The following SLC41A3 variants were observed in gnomAD, a reference collection of about 807,000 sequenced individuals.
SLC41A3 encodes the protein SLC41A1-like 2.
In SLC41A3, 44 loss-of-function variants were observed where a neutral mutation model predicts 45.4. The ratio of observed to expected loss-of-function variants is 0.97; its 90% confidence interval spans 0.76 to 1.25. The LOEUF (loss-of-function observed/expected upper bound fraction) is 1.25, where lower values mean the gene tolerates loss of function less well. Among genes scored for constraint, SLC41A3 ranks in the 50% most tolerant of loss-of-function variants. SLC41A3 has a pLI of 0.00. For missense variants in SLC41A3, 550 were observed against 600.6 expected (o/e 0.92, Z 0.88); for synonymous variants, 256 against 252.4 (o/e 1.01, Z -0.13).
chr3:126,045,407 A>G (rs1942899886), intron 3 of SLC41A3, among the ~76,000 whole-genome samples: 1 of 152,008 alleles, frequency 6.6e-6, no homozygotes, highest in South Asian at 2.1e-4. Context: ...ACTAAGAAAA[A>G]AAAGAAGTCT....
At chr3:126,099,727 G>A (rs746759079) in intron 1 of SLC41A3, among the ~76,000 whole-genome samples, 2 of 152,180 alleles carry the variant, frequency 1.3e-5, no homozygotes, top group African/African-American at 4.8e-5. Context: ...AAGATATTCA[G>A]GTAGTTAAGG....
At chr3:126,017,099 G>C (rs1189570980) in intron 6 of SLC41A3, among the ~76,000 whole-genome samples, 1 of 152,136 alleles carries the variant, frequency 6.6e-6, no homozygotes, top group African/African-American at 2.4e-5. Flanking sequence ...CCACTTCTCT[G>C]GCAAACTTGC....
Position 126,033,673 on chromosome 3 carries a change from G to T in SLC41A3, c.387C>A (p.Asn129Lys). Residue 129 changes from asparagine (N) to lysine (K), a missense_variant, in exon 4 of 11, where the codon AAC becomes AAA. Physicochemically the swap from Asn to Lys is moderately conservative, Grantham distance 94. Coordinates refer to ENST00000360370, the MANE Select transcript of SLC41A3 (RefSeq NM_017836.4). The stretch of plus-strand genomic sequence containing the variant: ...CCTGGGGGTCATCAATTTGTCCAGT[G>T]TTGGCCTAGAATGAAGAGAAAAGGA... ...TLASRLSTAANTGQIDDPQEQ... is the reference protein window; with the variant it reads ...TLASRLSTAAKTGQIDDPQEQ... 8 of 1,612,736 alleles carry T rather than the reference G, an allele frequency of 5.0e-6. No individual in the cohort carries two copies. The highest frequency in any genetic ancestry group is 6.8e-6 in the Non-Finnish European group (8 of 1,179,716).
intron 1 of SLC41A3, among the ~76,000 whole-genome samples, chr3:126,078,226 C>T (rs1944972709): frequency 2.6e-5 from 4 of 152,340 alleles, no homozygotes; most frequent in Admixed American, 2.0e-4. Context: ...TTCCACCTTC[C>T]TCATGACCTT....
intron 1 of SLC41A3, among the ~76,000 whole-genome samples, chr3:126,078,527 C>G (rs1455199245): frequency 6.6e-6 from 1 of 152,180 alleles, no homozygotes; most frequent in Non-Finnish European, 1.5e-5. Context: ...GGATGCTTGG[C>G]AGAACAGGGT....
chr3:126,008,279 C>A (rs570212453), intron 10 of SLC41A3, among the ~76,000 whole-genome samples: 1 of 152,368 alleles, frequency 6.6e-6, no homozygotes, highest in South Asian at 2.1e-4. Flanking sequence ...AGCTGTATAG[C>A]ATGTAGCATG....
intron 3 of SLC41A3, among the ~76,000 whole-genome samples, chr3:126,042,487 T>C (rs1040371662): frequency 6.6e-6 from 1 of 152,072 alleles, no homozygotes; most frequent in Non-Finnish European, 1.5e-5. Flanking sequence ...TACCTAATTT[T>C]TAATAAAAGA....
intron 3 of SLC41A3, among the ~76,000 whole-genome samples, chr3:126,039,994 T>G (rs1216724539): frequency 9.1e-6 from 1 of 110,210 alleles, no homozygotes; most frequent in African/African-American, 4.8e-5. Context: ...GCCAGCTTCC[T>G]TAGGAAAATG....
intron 1 of SLC41A3, among the ~76,000 whole-genome samples, chr3:126,075,919 T>C (rs1944860528): frequency 6.6e-6 from 1 of 152,184 alleles, no homozygotes; most frequent in Admixed American, 6.5e-5. Context: ...GGACTTTGGA[T>C]TAGGCAACAG....
rs757493625 is a variant in SLC41A3, at chr3:126,068,099, T to A, written c.121A>T (p.Arg41Trp). The stretch of plus-strand genomic sequence containing the variant: ...GTCACGCTTTGGCTCTCAGGGGCCC[T>A]GAGAGCTCCATCTTCTGAGGCTACA... ...LPVASEDGAL[R>W]APESQSVTPK... Residue 41 changes from arginine (R) to tryptophan (W), a missense_variant, in exon 2 of 11, where the codon AGG (arginine) becomes TGG (tryptophan). Arg to Trp is a moderately radical substitution (Grantham distance 101). Coordinates refer to ENST00000360370, the MANE Select transcript of SLC41A3 (RefSeq NM_017836.4). The A allele has an allele frequency of 1.9e-6, 3 of 1,613,606 alleles. No individual in the cohort carries two copies. The highest frequency in any genetic ancestry group is 2.5e-6 in the Non-Finnish European group (3 of 1,179,930).
intron 1 of SLC41A3, among the ~76,000 whole-genome samples, chr3:126,073,582 C>T (rs535784182): frequency 3.3e-5 from 5 of 151,944 alleles, no homozygotes; most frequent in Admixed American, 1.3e-4. Context: ...TGAACCTAAA[C>T]GTTAAAAAAT....
At chr3:126,054,831 T>C (rs1943557817) in intron 2 of SLC41A3, among the ~76,000 whole-genome samples, 1 of 151,948 alleles carries the variant, frequency 6.6e-6, no homozygotes, top group South Asian at 2.1e-4. Flanking sequence ...CAGGGTGGTC[T>C]CAGGGAAGGA....
chr3:126,070,906 C>T (rs772532894), intron 1 of SLC41A3, among the ~76,000 whole-genome samples: 22 of 151,648 alleles, frequency 1.5e-4, no homozygotes, highest in Non-Finnish European at 3.1e-4. Context: ...AAGACAACCA[C>T]ATAAATCAAG....
chr3:126,082,284 A>G (rs1426487010), intron 1 of SLC41A3, among the ~76,000 whole-genome samples: 1 of 152,208 alleles, frequency 6.6e-6, no homozygotes, highest in Non-Finnish European at 1.5e-5. Flanking sequence ...AGCCCCAGGG[A>G]GGAGCCAAGA....
At chr3:126,085,394 TG>T (rs1945356385), upstream of SLC41A3, 1 of 152,206 alleles carries the variant, frequency 6.6e-6, no homozygotes, top group Non-Finnish European at 1.5e-5. Context: ...GCACCCAGCG[TG>T]GGGCCTCAGA....
At position 126,022,895 on chromosome 3, in the gene SLC41A3, C is replaced by A. The variant is rs1941022616; in HGVS notation, c.636G>T (p.Lys212Asn). The change falls in exon 6 of 11, where the codon AAG (lysine) becomes AAT (asparagine). Residue 212 changes from lysine (K) to asparagine (N), a missense_variant. Physicochemically the swap from Lys to Asn is moderately conservative, Grantham distance 94. Coordinates refer to ENST00000360370, the MANE Select transcript of SLC41A3 (RefSeq NM_017836.4). ...CAATGTTGTCTGGGTTGACCCCGAGCTTTCGAGCACCAATCACTATACAGA... is the reference window on the plus strand; with the variant it reads ...CAATGTTGTCTGGGTTGACCCCGAGATTTCGAGCACCAATCACTATACAGA... ...LMVCIVIGAR[K>N]LGVNPDNIAT... The A allele has an allele frequency of 3.7e-6, 6 of 1,614,088 alleles. No homozygotes were observed. The highest frequency in any genetic ancestry group is 1.6e-4 in the Middle Eastern group (1 of 6,084).
chr3:126,041,134 G>A (rs1216052504), intron 3 of SLC41A3, among the ~76,000 whole-genome samples: 1 of 152,108 alleles, frequency 6.6e-6, no homozygotes, highest in East Asian at 1.9e-4. Flanking sequence ...GAGACAGAGT[G>A]ATGAAGAGTG....
intron 1 of SLC41A3, among the ~76,000 whole-genome samples, chr3:126,091,420 G>GGGCA (rs1386292364): frequency 6.6e-6 from 1 of 152,148 alleles, no homozygotes; most frequent in Non-Finnish European, 1.5e-5. Flanking sequence ...AACTGGAAGT[G>GGGCA]GGCAGGAGGG....
intron 3 of SLC41A3, among the ~76,000 whole-genome samples, chr3:126,047,576 A>G (rs1943045604): frequency 6.6e-6 from 1 of 152,200 alleles, no homozygotes; most frequent in Admixed American, 6.5e-5. Context: ...AATGGAATAA[A>G]ATATCCTGGA....
Sources: allele counts gnomAD v4.1 joint callset (sites outside exome capture counted in the v4.1 genomes callset), GRCh38; gene constraint gnomAD v4.1.1; transcripts MANE v1.5; gene names NCBI Gene and HGNC (gene_info 2026-07-23, HGNC 2026-07-21).